The following MICU1 variants were observed in gnomAD, a reference collection of about 807,000 sequenced individuals.
MICU1 encodes the protein mitochondrial calcium uptake 1, also known as calcium uptake protein 1, mitochondrial.
In MICU1, 45 loss-of-function variants were observed where a neutral mutation model predicts 56.8. The ratio of observed to expected loss-of-function variants is 0.79; its 90% CI spans 0.62 to 1.02. The LOEUF (loss-of-function observed/expected upper bound fraction) is 1.02, where lower values mean the gene tolerates loss of function less well. Ranked by LOEUF, MICU1 falls within the 50% of genes least tolerant of loss-of-function variation. The pLI is 0.00. For synonymous variants in MICU1, 186 were observed against 195.1 expected (o/e 0.95, Z 0.39); for missense variants, 504 against 587.1 (o/e 0.86, Z 1.46).
At chr10:72,471,286 A>G (rs1033608317) in intron 8 of MICU1, among the ~76,000 whole-genome samples, 1 of 152,270 alleles carries the variant, frequency 6.6e-6, no homozygotes, top group South Asian at 2.1e-4. Flanking sequence ...GGGTTTCACC[A>G]TGTTGGACAG....
intron 5 of MICU1, among the ~76,000 whole-genome samples, chr10:72,522,966 T>C (rs1238540601): frequency 2.0e-5 from 3 of 152,182 alleles, no homozygotes; most frequent in Non-Finnish European, 4.4e-5. Context: ...CAGAAAAGCT[T>C]GATTTTGAAT....
intron 4 of MICU1, among the ~76,000 whole-genome samples, chr10:72,548,442 A>G (rs563877772): frequency 2.7e-4 from 41 of 152,336 alleles, no homozygotes; most frequent in Non-Finnish European, 4.6e-4. Context: ...TTTAATTGCA[A>G]TATTTAAAAA....
intron 4 of MICU1, among the ~76,000 whole-genome samples, chr10:72,539,690 GAACA>G (rs1245922491): frequency 6.6e-6 from 1 of 151,834 alleles, no homozygotes; most frequent in Non-Finnish European, 1.5e-5. Flanking sequence ...AGAAAAACAA[GAACA>G]AACTCAACTA....
At chr10:72,385,675 C>T (rs1862863101) in intron 10 of MICU1, among the ~76,000 whole-genome samples, 1 of 152,134 alleles carries the variant, frequency 6.6e-6, no homozygotes, top group African/African-American at 2.4e-5. Context: ...CTGACGTGCC[C>T]CCCGCCCAGT....
intron 10 of MICU1, among the ~76,000 whole-genome samples, chr10:72,406,752 G>A (rs192762039): frequency 1.3e-5 from 2 of 151,772 alleles, no homozygotes; most frequent in African/African-American, 2.4e-5. Flanking sequence ...TCAGCCTTCC[G>A]AGTAGCTGGG....
chr10:72,387,885 C>T (rs1187157345), intron 10 of MICU1, among the ~76,000 whole-genome samples: 1 of 151,700 alleles, frequency 6.6e-6, no homozygotes, highest in Non-Finnish European at 1.5e-5. Context: ...AAAGCCAGCA[C>T]CTATGGGTTG....
chr10:72,550,560 G>A (rs1314304440), intron 4 of MICU1, among the ~76,000 whole-genome samples: 2 of 152,052 alleles, frequency 1.3e-5, no homozygotes, highest in African/African-American at 2.4e-5. Context: ...TTGCTCTTGG[G>A]GAAATTCAGG....
chr10:72,584,439 A>G (rs1303104708), intron 1 of MICU1, among the ~76,000 whole-genome samples: 1 of 152,228 alleles, frequency 6.6e-6, no homozygotes, highest in Non-Finnish European at 1.5e-5. Flanking sequence ...ATAATGTATT[A>G]ATGTGTTCAG....
At chr10:72,528,157 C>T (rs1868019155) in intron 5 of MICU1, among the ~76,000 whole-genome samples, 2 of 152,132 alleles carry the variant, frequency 1.3e-5, no homozygotes, top group South Asian at 4.1e-4. Context: ...AAAAAATAAA[C>T]CACTGACAAC....
chr10:72,541,235 T>C (rs11000346), intron 4 of MICU1, among the ~76,000 whole-genome samples: 3,580 of 152,288 alleles, frequency 0.024, 88 homozygotes, highest in South Asian at 0.12. Context: ...CTAAAACTCC[T>C]TGCTCAGCGA....
chr10:72,420,471 T>C (rs1052765878), intron 9 of MICU1, among the ~76,000 whole-genome samples: 4 of 152,184 alleles, frequency 2.6e-5, no homozygotes, highest in African/African-American at 9.7e-5. Context: ...CCAGTCTCGG[T>C]ATGTCTTTAT....
intron 9 of MICU1, among the ~76,000 whole-genome samples, chr10:72,417,590 G>A (rs1241886944): frequency 6.6e-6 from 1 of 152,150 alleles, no homozygotes; most frequent in Non-Finnish European, 1.5e-5. Context: ...TCCTTAAGAA[G>A]TTACTAGTTA....
intron 1 of MICU1, among the ~76,000 whole-genome samples, chr10:72,569,227 A>ATTTTTTTTTTT (rs1457174727): frequency 2.5e-5 from 1 of 40,596 alleles, no homozygotes; most frequent in African/African-American, 1.1e-4. Flanking sequence ...ATATATATAT[A>ATTTTTTTTTTT]TATATATATA....
At chr10:72,553,891 A>G (rs937935629) in intron 3 of MICU1, among the ~76,000 whole-genome samples, 2 of 152,146 alleles carry the variant, frequency 1.3e-5, no homozygotes, top group Non-Finnish European at 2.9e-5. Flanking sequence ...GGAACAACAA[A>G]CTATCATGTA....
intron 1 of MICU1, among the ~76,000 whole-genome samples, chr10:72,610,023 G>A (rs1055674681): frequency 6.6e-6 from 1 of 151,260 alleles, no homozygotes; most frequent in Middle Eastern, 3.4e-3. Flanking sequence ...GCGACAGAGC[G>A]AGACTCCATC....
At position 72,435,799 on chromosome 10, in the gene MICU1, T is replaced by A. The variant is rs534613184; in HGVS notation, c.934-12428A>T. Among the ~76,000 whole-genome samples the A allele has an allele frequency of 3.9e-5, 6 of 152,384 alleles. No homozygotes were observed. The South Asian group carries it at 1.2e-3, about 32-fold the overall frequency. ...GCCTTGCTCACTGCTAGCGCAGCAG[T>A]CTGCGATCGAACTGCAAGGCTGCAG... On this transcript the variant is annotated intron_variant, in intron 8 of 11. Transcript: ENST00000361114.
At chr10:72,465,089 C>T (rs1004727075) in intron 8 of MICU1, among the ~76,000 whole-genome samples, 1 of 152,168 alleles carries the variant, frequency 6.6e-6, no homozygotes, top group Admixed American at 6.5e-5. Context: ...CAACCTCCAC[C>T]TCCTGGGTTC....
intron 5 of MICU1, among the ~76,000 whole-genome samples, chr10:72,516,706 G>A (rs1867656730): frequency 6.6e-6 from 1 of 152,170 alleles, no homozygotes; most frequent in African/African-American, 2.4e-5. Flanking sequence ...TTTCCCCATT[G>A]CTTGTTTTTG....
At chr10:72,555,753 T>C (rs1840142862) in intron 3 of MICU1, among the ~76,000 whole-genome samples, 1 of 152,204 alleles carries the variant, frequency 6.6e-6, no homozygotes, top group Admixed American at 6.5e-5. Context: ...TCTACTTGCA[T>C]GGTAGTCCAT....
Sources: gnomAD v4.1 joint callset for allele counts (sites outside exome capture counted in the v4.1 genomes callset) on GRCh38, gnomAD v4.1.1 for gene constraint, MANE v1.5 for transcripts, NCBI Gene and HGNC (gene_info 2026-07-23, HGNC 2026-07-21) for gene names.